Variants in KCNIP4 observed in about 807,000 individuals in gnomAD.
KCNIP4 encodes the protein Kv channel-interacting protein 4.
KCNIP4 carries 12 observed loss-of-function variants against 34.0 expected under a neutral mutation model. That is an observed-to-expected ratio of 0.35 (90% CI 0.23 to 0.57). The LOEUF (loss-of-function observed/expected upper bound fraction) is 0.57, where lower values mean the gene tolerates loss of function less well. KCNIP4 is among the 20% of genes least tolerant of loss of function. The pLI is 0.83. For synonymous variants in KCNIP4, 124 were observed against 102.2 expected (o/e 1.21, Z -1.29); for missense variants, 238 against 311.7 (o/e 0.76, Z 1.78).
At chr4:21,061,162 G>A (rs933641580) in intron 1 of KCNIP4, among the ~76,000 whole-genome samples, 1 of 152,100 alleles carries the variant, frequency 6.6e-6, no homozygotes, top group African/African-American at 2.4e-5. Flanking sequence ...TTCTCTTAAA[G>A]ATTAACATTT....
chr4:21,361,383 T>G (rs1719203254), intron 1 of KCNIP4, among the ~76,000 whole-genome samples: 3 of 152,098 alleles, frequency 2.0e-5, no homozygotes, highest in African/African-American at 7.2e-5. Flanking sequence ...TCAAGAAATG[T>G]TAGTCATTGT....
intron 1 of KCNIP4, among the ~76,000 whole-genome samples, chr4:21,894,316 C>T (rs1727262363): frequency 6.6e-6 from 1 of 151,802 alleles, no homozygotes; most frequent in African/African-American, 2.4e-5. Context: ...GCCTGGGTGA[C>T]AAAGTGAGAC....
At chr4:21,886,799 T>G (rs1403230509) in intron 1 of KCNIP4, among the ~76,000 whole-genome samples, 1 of 146,012 alleles carries the variant, frequency 6.8e-6, no homozygotes, top group African/African-American at 2.5e-5. Context: ...ACAAATTACA[T>G]TTGGCTAAAT....
intron 1 of KCNIP4, among the ~76,000 whole-genome samples, chr4:21,245,293 C>A (rs1280521683): frequency 6.6e-6 from 1 of 152,204 alleles, no homozygotes; most frequent in Non-Finnish European, 1.5e-5. Context: ...TAGGCCTTCA[C>A]TTCCTGCCTT....
intron 1 of KCNIP4, among the ~76,000 whole-genome samples, chr4:21,678,926 A>T (rs560115553): frequency 6.6e-6 from 1 of 152,118 alleles, no homozygotes; most frequent in African/African-American, 2.4e-5. Context: ...GGCCTCTAGG[A>T]TGGGCCCTAA....
At position 21,024,585 on chromosome 4, in the gene KCNIP4, C is replaced by T. The variant is rs544860079; in HGVS notation, c.62-141876G>A. 5.9e-5 allele frequency among the ~76,000 whole-genome samples: 9 copies of T among 152,098 alleles called. No homozygotes were observed. The South Asian group carries it at 1.9e-3, about 32-fold the overall frequency. ...CATATGTATATATTTCCAATGAAACCCCTATATGTTTGAACCGTTTCTAAA... is the reference window on the plus strand; with the variant it reads ...CATATGTATATATTTCCAATGAAACTCCTATATGTTTGAACCGTTTCTAAA... On this transcript the variant is annotated intron_variant, in intron 1 of 8. Coordinates refer to ENST00000382152, the MANE Select transcript of KCNIP4 (RefSeq NM_025221.6).
intron 1 of KCNIP4, among the ~76,000 whole-genome samples, chr4:21,379,686 C>T (rs919113855): frequency 1.3e-5 from 2 of 152,100 alleles, no homozygotes; most frequent in African/African-American, 4.8e-5. Flanking sequence ...CAATAGATGG[C>T]AAATAATTAT....
chr4:21,729,756 T>C (rs947760402), intron 1 of KCNIP4: 2 of 152,162 alleles, frequency 1.3e-5, no homozygotes, highest in Non-Finnish European at 2.9e-5. Flanking sequence ...TATTTAAAAA[T>C]GAAATATATA....
At chr4:20,984,144 G>A in intron 1 of KCNIP4, 3 of 633,714 alleles carry the variant, frequency 4.7e-6, no homozygotes, top group Middle Eastern at 4.5e-4. Flanking sequence ...TTTGGCTGGC[G>A]GGGCTTCCCC....
In KCNIP4 at chr4:20,732,699, G is replaced by T. The variant is rs368576905; in HGVS notation, c.624C>A (p.His208Gln). The T allele has an allele frequency of 5.6e-6, 9 of 1,610,110 alleles. No homozygotes were observed. Among genetic ancestry groups the T allele is most frequent in the South Asian group, 1.1e-5 (1 of 91,000 alleles). ...TTCCTACCTGAAAAAATGTTTCAAC[G>T]TGTTGTCTGGGAGCATCTTCTTTGA... is the stretch of plus-strand genomic sequence containing the variant. ...PVLKEDAPRQHVETFFQKMDK... is the reference protein window; with the variant it reads ...PVLKEDAPRQQVETFFQKMDK... The change falls in exon 7 of 9, where the codon CAC (histidine) becomes CAA (glutamine). Residue 208 changes from histidine to glutamine, a missense_variant. His to Gln is a conservative substitution (Grantham distance 24, BLOSUM62 0). Transcript: ENST00000382152.
chr4:21,489,096 T>G (rs975952960), intron 1 of KCNIP4, among the ~76,000 whole-genome samples: 1 of 152,100 alleles, frequency 6.6e-6, no homozygotes, highest in Non-Finnish European at 1.5e-5. Flanking sequence ...CACAGCACAA[T>G]AGAATGTTCA....
chr4:21,072,272 G>A (rs1183049498), intron 1 of KCNIP4, among the ~76,000 whole-genome samples: 1 of 152,148 alleles, frequency 6.6e-6, no homozygotes, highest in Non-Finnish European at 1.5e-5. Context: ...GTGTAAAAGT[G>A]TTCCTATTTC....
chr4:21,317,795 A>C (rs879802959), intron 1 of KCNIP4, among the ~76,000 whole-genome samples: 1 of 152,112 alleles, frequency 6.6e-6, no homozygotes, highest in Non-Finnish European at 1.5e-5. Context: ...TGTTCTCATG[A>C]TAGTGAATAA....
At chr4:21,396,529 C>T (rs1402886469) in intron 1 of KCNIP4, among the ~76,000 whole-genome samples, 1 of 98,822 alleles carries the variant, frequency 1.0e-5, no homozygotes, top group African/African-American at 3.6e-5. Context: ...GCACTCCAGC[C>T]TGGTGACAGA....
intron 1 of KCNIP4, among the ~76,000 whole-genome samples, chr4:21,554,882 G>C (rs1397076854): frequency 6.6e-6 from 1 of 152,038 alleles, no homozygotes; most frequent in East Asian, 1.9e-4. Flanking sequence ...CTGCACACTA[G>C]GTACTGAATA....
intron 2 of KCNIP4, among the ~76,000 whole-genome samples, chr4:20,865,443 A>G (rs1171619896): frequency 6.6e-6 from 1 of 152,118 alleles, no homozygotes; most frequent in African/African-American, 2.4e-5. Context: ...GCTTATTCAT[A>G]GTAGCCAAAA....
intron 1 of KCNIP4, among the ~76,000 whole-genome samples, chr4:20,942,754 C>T (rs1731770618): frequency 1.3e-5 from 2 of 152,126 alleles, no homozygotes; most frequent in African/African-American, 4.8e-5. Context: ...TCACTGCAAC[C>T]TCCGCCTCCC....
rs138685542 is a variant in KCNIP4 at position 21,936,974 on chromosome 4, C to T, written c.61+11597G>A. Among the ~76,000 whole-genome samples, 1,256 of 152,112 alleles carry T rather than the reference C, an allele frequency of 8.3e-3. 23 individuals carry two copies. The highest frequency in any genetic ancestry group is 0.029 in the African/African-American group (1,192 of 41,508). ...ACAGTTCTGACTCTAGACTCTATTC[C>T]TTATCCAGTTCATGACTTCAGTTAC... is the stretch of plus-strand genomic sequence containing the variant. On this transcript the variant is annotated intron_variant, in intron 1 of 8. Coordinates refer to ENST00000382152, the MANE Select transcript of KCNIP4 (RefSeq NM_025221.6).
intron 1 of KCNIP4, among the ~76,000 whole-genome samples, chr4:21,406,186 G>A (rs1723975490): frequency 6.6e-6 from 1 of 152,176 alleles, no homozygotes; most frequent in Admixed American, 6.5e-5. Flanking sequence ...GTAGCTGAAA[G>A]TCAATGCTTC....
Sources: gnomAD v4.1 joint callset for allele counts (sites outside exome capture counted in the v4.1 genomes callset) on GRCh38, gnomAD v4.1.1 for gene constraint, MANE v1.5 for transcripts, NCBI Gene and HGNC (gene_info 2026-07-23, HGNC 2026-07-21) for gene names.